Variants in ZNF804B observed in about 807,000 individuals in gnomAD.
ZNF804B encodes the protein zinc finger protein 804B, also known as zinc finger 804B.
In ZNF804B, 80 loss-of-function variants were observed where a neutral mutation model predicts 101.4. The observed-to-expected ratio is 0.79, with a 90% CI of 0.66 to 0.95. The LOEUF is 0.95. Ranked by LOEUF, ZNF804B falls within the 40% of genes least tolerant of loss-of-function variation. The pLI is 0.00. For synonymous variants in ZNF804B, 622 were observed against 558.8 expected, an observed-to-expected ratio of 1.11 and a Z score of -1.59; for missense variants, 1,673 against 1,561.9, an observed-to-expected ratio of 1.07 and a Z score of -1.20.
intron 1 of ZNF804B, among the ~76,000 whole-genome samples, chr7:88,862,586 T>C (rs950872462): frequency 1.3e-5 from 2 of 152,220 alleles, no homozygotes; most frequent in Non-Finnish European, 2.9e-5. Flanking sequence ...CACCCCTTTG[T>C]AGATTACTTG....
At chr7:88,917,499 G>A (rs1267474331) in intron 1 of ZNF804B, among the ~76,000 whole-genome samples, 2 of 152,064 alleles carry the variant, frequency 1.3e-5, no homozygotes, top group Non-Finnish European at 2.9e-5. Context: ...GTACACTATT[G>A]ACTCAAGTGG....
intron 2 of ZNF804B, among the ~76,000 whole-genome samples, chr7:89,233,698 G>A (rs1789233986): frequency 1.3e-5 from 2 of 151,992 alleles, no homozygotes; most frequent in South Asian, 2.1e-4. Context: ...GAGTGCAATG[G>A]TGTGATCTTG....
At chr7:88,950,296 CTATT>C (rs1422854996) in intron 1 of ZNF804B, among the ~76,000 whole-genome samples, 1 of 151,752 alleles carries the variant, frequency 6.6e-6, no homozygotes, top group African/African-American at 2.4e-5. Context: ...ATTAGATTGT[CTATT>C]TATGTAACTA....
chr7:88,943,101 A>G (rs1793078078), intron 1 of ZNF804B, among the ~76,000 whole-genome samples: 1 of 151,912 alleles, frequency 6.6e-6, no homozygotes, highest in Non-Finnish European at 1.5e-5. Context: ...AATAGAACAA[A>G]TTAAAAAGAG....
chr7:88,950,880 T>C (rs763907561), intron 1 of ZNF804B, among the ~76,000 whole-genome samples: 1 of 151,546 alleles, frequency 6.6e-6, no homozygotes, highest in African/African-American at 2.4e-5. Context: ...ATACAGAAAA[T>C]TTCCATTGAA....
intron 1 of ZNF804B, among the ~76,000 whole-genome samples, chr7:89,143,700 T>G (rs1450251097): frequency 6.6e-6 from 1 of 152,096 alleles, no homozygotes; most frequent in Non-Finnish European, 1.5e-5. Context: ...TTCAATTTGT[T>G]CTGATAGGAA....
chr7:89,138,132 A>G (rs1346571426), intron 1 of ZNF804B, among the ~76,000 whole-genome samples: 1 of 152,116 alleles, frequency 6.6e-6, no homozygotes, highest in Non-Finnish European at 1.5e-5. Context: ...TCCAGGCAGA[A>G]GTTTGCTGTA....
At chr7:88,867,766 A>G (rs899860709) in intron 1 of ZNF804B, among the ~76,000 whole-genome samples, 12 of 152,222 alleles carry the variant, frequency 7.9e-5, no homozygotes, top group African/African-American at 2.7e-4. Flanking sequence ...ATATATGTCT[A>G]GAAAATAGTA....
At chr7:88,985,518 C>T (rs1793747098) in intron 1 of ZNF804B, among the ~76,000 whole-genome samples, 1 of 152,028 alleles carries the variant, frequency 6.6e-6, no homozygotes, top group Admixed American at 6.6e-5. Flanking sequence ...TCATGATTCC[C>T]TCTCCTTTGT....
chr7:88,911,035 T>G (rs1021387879), intron 1 of ZNF804B, among the ~76,000 whole-genome samples: 1 of 151,946 alleles, frequency 6.6e-6, no homozygotes, highest in African/African-American at 2.4e-5. Context: ...CAGAGAAAAC[T>G]TAGAGAATGT....
At chr7:88,781,759 A>G (rs3847036) in intron 1 of ZNF804B, among the ~76,000 whole-genome samples, 143,912 of 152,276 alleles carry the variant, frequency 0.95, 68,147 homozygotes, top group East Asian at 1. Context: ...ATCCTCAAAT[A>G]TGAAACCTGG....
At chr7:89,201,035 C>T (rs1319716999) in intron 1 of ZNF804B, among the ~76,000 whole-genome samples, 1 of 152,002 alleles carries the variant, frequency 6.6e-6, no homozygotes, top group East Asian at 1.9e-4. Context: ...CTTTTGCTGA[C>T]ACTCTTAGGG....
chr7:89,123,699 ATT>A (rs1323658352), intron 1 of ZNF804B, among the ~76,000 whole-genome samples: 4 of 73,430 alleles, frequency 5.4e-5, no homozygotes, highest in African/African-American at 3.2e-4. Context: ...TTACTATATA[ATT>A]TACTTAACAG....
At chr7:89,003,891 G>A (rs1584065680) in intron 1 of ZNF804B, among the ~76,000 whole-genome samples, 1 of 151,852 alleles carries the variant, frequency 6.6e-6, no homozygotes, top group South Asian at 2.1e-4. Flanking sequence ...TTTAAAAGTG[G>A]TAAAATCTAG....
At chr7:89,025,459 CAT>C (rs1788734723) in intron 1 of ZNF804B, among the ~76,000 whole-genome samples, 1 of 151,954 alleles carries the variant, frequency 6.6e-6, no homozygotes, top group Admixed American at 6.6e-5. Flanking sequence ...ATGAAATTTC[CAT>C]ATGTTTAATG....
chr7:89,096,884 C>G (rs1789978919), intron 1 of ZNF804B, among the ~76,000 whole-genome samples: 2 of 152,300 alleles, frequency 1.3e-5, no homozygotes, highest in Admixed American at 6.5e-5. Flanking sequence ...GAAACTGGCA[C>G]TTCGGTGAGC....
At chr7:88,860,554 A>C (rs916974829) in intron 1 of ZNF804B, among the ~76,000 whole-genome samples, 1 of 152,082 alleles carries the variant, frequency 6.6e-6, no homozygotes, top group Admixed American at 6.6e-5. Flanking sequence ...AACTTACCCA[A>C]GGTTCATGTG....
At chr7:88,768,921 A>G in intron 1 of ZNF804B, among the ~76,000 whole-genome samples, 1 of 152,214 alleles carries the variant, frequency 6.6e-6, no homozygotes. Flanking sequence ...TAGTAATTTT[A>G]TAACTTCTCT....
chr7:89,256,549 A>G (rs1169610205), intron 2 of ZNF804B, among the ~76,000 whole-genome samples: 1 of 151,994 alleles, frequency 6.6e-6, no homozygotes, highest in Non-Finnish European at 1.5e-5. Context: ...TCAAAAAAAA[A>G]AAAAAGTGGA....
Sources: allele counts gnomAD v4.1 joint callset (sites outside exome capture counted in the v4.1 genomes callset), GRCh38; gene constraint gnomAD v4.1.1; transcripts MANE v1.5; gene names NCBI Gene and HGNC (gene_info 2026-07-23, HGNC 2026-07-21).